ME3: variants seen among roughly 807,000 people sequenced by gnomAD.
ME3 encodes malic enzyme 3.
ME3 carries 48 observed loss-of-function variants against 68.9 expected under a neutral mutation model. The ratio of observed to expected loss-of-function variants is 0.70; its 90% confidence interval spans 0.55 to 0.89. ME3 has a LOEUF of 0.89. Among genes scored for constraint, ME3 ranks in the 40% least tolerant of loss-of-function variants. The pLI is 0.00. For missense variants in ME3, 675 were observed against 797.4 expected (o/e 0.85, Z 1.85); for synonymous variants, 320 against 318.8 (o/e 1.00, Z -0.04).
chr11:86,504,020 G>A (rs1368142994), intron 5 of ME3, among the ~76,000 whole-genome samples: 11 of 152,164 alleles, frequency 7.2e-5, no homozygotes, highest in Admixed American at 7.2e-4. Flanking sequence ...TGAAAAGCAA[G>A]TCCCACAAAA....
intron 2 of ME3, among the ~76,000 whole-genome samples, chr11:86,594,677 C>CA (rs1226012769): frequency 1.4e-5 from 2 of 145,282 alleles, no homozygotes; most frequent in Non-Finnish European, 3.0e-5. Flanking sequence ...GACCCTTTCT[C>CA]AAAAAACAAT....
At chr11:86,571,443 A>C (rs929904231) in intron 2 of ME3, among the ~76,000 whole-genome samples, 1 of 152,244 alleles carries the variant, frequency 6.6e-6, no homozygotes, top group Non-Finnish European at 1.5e-5. Flanking sequence ...TAGTCTGCTC[A>C]GTGCTGCAAT....
chr11:86,457,665 T>A (rs1413862212), intron 8 of ME3: 3 of 1,285,624 alleles, frequency 2.3e-6, no homozygotes, highest in Non-Finnish European at 3.0e-6. Context: ...TGTTTCGAGG[T>A]AACCACTCTG....
intron 2 of ME3, among the ~76,000 whole-genome samples, chr11:86,577,571 G>A (rs1958186566): frequency 1.3e-5 from 2 of 152,136 alleles, no homozygotes; most frequent in South Asian, 4.2e-4. Flanking sequence ...TTAAGTTGGT[G>A]CCTCCTGCAG....
intron 4 of ME3, among the ~76,000 whole-genome samples, chr11:86,521,477 A>C (rs990899421): frequency 6.6e-6 from 1 of 151,432 alleles, no homozygotes; most frequent in East Asian, 1.9e-4. Flanking sequence ...GTAATCATTA[A>C]ATCTATCTCA....
chr11:86,609,435 C>A (rs1307149093), intron 2 of ME3, among the ~76,000 whole-genome samples: 1 of 152,172 alleles, frequency 6.6e-6, no homozygotes, highest in East Asian at 1.9e-4. Flanking sequence ...TTAATCTTTG[C>A]ATCCTGTCAC....
intron 5 of ME3, among the ~76,000 whole-genome samples, chr11:86,499,940 A>G (rs1952608944): frequency 6.6e-6 from 1 of 152,260 alleles, no homozygotes; most frequent in African/African-American, 2.4e-5. Context: ...TTAAAAGATT[A>G]GATGACTTTG....
Position 86,661,161 on chromosome 11 carries a change from G to A in ME3, c.183+10601C>T, listed in dbSNP as rs145977115. Among the ~76,000 whole-genome samples the A allele has an allele frequency of 2.6e-3, 403 of 152,330 alleles. 5 individuals are homozygous for A. The highest frequency in any genetic ancestry group is 9.3e-3 in the African/African-American group (385 of 41,582). On this transcript the variant is annotated intron_variant, in intron 2 of 14. Coordinates refer to ENST00000543262, the Ensembl canonical transcript of ME3. The stretch of plus-strand genomic sequence containing the variant: ...GAAGAAAACACATGCACATGATGGC[G>A]ATACATGTGCTAATAAATGTACACT...
chr11:86,578,415 C>G (rs1157618933), intron 2 of ME3, among the ~76,000 whole-genome samples: 1 of 152,066 alleles, frequency 6.6e-6, no homozygotes, highest in African/African-American at 2.4e-5. Context: ...AGGAAGAAAA[C>G]AAACAGACAC....
intron 6 of ME3, among the ~76,000 whole-genome samples, chr11:86,497,402 C>G (rs1282554726): frequency 6.6e-6 from 1 of 152,102 alleles, no homozygotes; most frequent in African/African-American, 2.4e-5. Context: ...CATGGTGGTT[C>G]CCAGAGCAGA....
At chr11:86,592,199 T>C (rs750004633) in intron 2 of ME3, among the ~76,000 whole-genome samples, 25 of 152,168 alleles carry the variant, frequency 1.6e-4, no homozygotes, top group Non-Finnish European at 2.8e-4. Flanking sequence ...GATGGCCAGG[T>C]GTGTTGGGAA....
At chr11:86,541,183 C>T (rs763086436) in intron 4 of ME3, among the ~76,000 whole-genome samples, 97 of 152,040 alleles carry the variant, frequency 6.4e-4, no homozygotes, top group Non-Finnish European at 1.3e-3. Context: ...ACCACCAGAG[C>T]CCTAGGTTTC....
chr11:86,615,407 C>A (rs1942888305), intron 2 of ME3, among the ~76,000 whole-genome samples: 2 of 151,990 alleles, frequency 1.3e-5, no homozygotes, highest in African/African-American at 4.8e-5. Flanking sequence ...AGTATTATTC[C>A]CATTTTATGG....
chr11:86,626,525 A>G (rs1277643381), intron 2 of ME3, among the ~76,000 whole-genome samples: 1 of 152,070 alleles, frequency 6.6e-6, no homozygotes, highest in Non-Finnish European at 1.5e-5. Flanking sequence ...CTCGTCTCTA[A>G]TTTTCTGCCT....
intron 2 of ME3, among the ~76,000 whole-genome samples, chr11:86,654,647 A>G (rs1945727058): frequency 6.6e-6 from 1 of 152,248 alleles, no homozygotes; most frequent in African/African-American, 2.4e-5. Context: ...ATCATACTGA[A>G]TGGGCAAAAA....
At chr11:86,633,470 A>G (rs918361279) in intron 2 of ME3, among the ~76,000 whole-genome samples, 13 of 152,228 alleles carry the variant, frequency 8.5e-5, no homozygotes, top group Non-Finnish European at 1.9e-4. Flanking sequence ...CCGTGCTGTT[A>G]AATGCCACAT....
chr11:86,475,866 TATATATATAGAG>T (rs1485126522), intron 7 of ME3, among the ~76,000 whole-genome samples: 7 of 111,956 alleles, frequency 6.3e-5, no homozygotes, highest in African/African-American at 1.5e-4. Flanking sequence ...TATATATATA[TATATATATAGAG>T]AGAGAGAGAG....
At chr11:86,584,055 G>A (rs1036368498) in intron 2 of ME3, among the ~76,000 whole-genome samples, 40 of 152,084 alleles carry the variant, frequency 2.6e-4, no homozygotes, top group African/African-American at 9.7e-4. Context: ...AAAGTATTTG[G>A]AAATCATATA....
chr11:86,478,231 A>T (rs1951192658), intron 7 of ME3, among the ~76,000 whole-genome samples: 1 of 149,710 alleles, frequency 6.7e-6, no homozygotes, highest in African/African-American at 2.5e-5. Flanking sequence ...GGAATGATCT[A>T]TAAAGGCCAT....
Sources: allele counts gnomAD v4.1 joint callset (sites outside exome capture counted in the v4.1 genomes callset), GRCh38; gene constraint gnomAD v4.1.1; transcripts MANE v1.5; gene names NCBI Gene and HGNC (gene_info 2026-07-23, HGNC 2026-07-21).